Variants in TENT4A observed in about 807,000 individuals in gnomAD.
TENT4A encodes the protein terminal nucleotidyltransferase 4A.
Under a neutral mutation model 72.8 loss-of-function variants are expected in TENT4A, and 7 were observed. The observed-to-expected ratio is 0.10, with a 90% CI of 0.05 to 0.18. The LOEUF is 0.18. Among genes scored for constraint, TENT4A ranks in the 10% least tolerant of loss-of-function variants. The pLI is 1.00. For synonymous variants in TENT4A, 456 were observed against 434.3 expected, an observed-to-expected ratio of 1.05 and a Z score of -0.62; for missense variants, 831 against 1,017.7, an observed-to-expected ratio of 0.82 and a Z score of 2.50.
At chr5:6,723,503 A>G (rs959904758) in intron 1 of TENT4A, among the ~76,000 whole-genome samples, 2 of 152,198 alleles carry the variant, frequency 1.3e-5, no homozygotes, top group Non-Finnish European at 2.9e-5. Context: ...TGTAGACAGA[A>G]AACTGAAGCC....
At chr5:6,743,676 A>G (rs1741942699) in intron 5 of TENT4A, 36 bp from the exon 6 acceptor site, 2 of 1,512,610 alleles carry the variant, frequency 1.3e-6, no homozygotes, top group Admixed American at 1.7e-5. Flanking sequence ...AAGTATGGTA[A>G]TTACTCAGTA....
chr5:6,753,337 A>G (rs1404000998), intron 12 of TENT4A, among the ~76,000 whole-genome samples: 2 of 152,276 alleles, frequency 1.3e-5, no homozygotes, highest in African/African-American at 2.4e-5. Flanking sequence ...TCCCATTTAC[A>G]TAATTCATTT....
At chr5:6,754,144 G>T (rs974359715) in intron 12 of TENT4A, among the ~76,000 whole-genome samples, 1 of 152,216 alleles carries the variant, frequency 6.6e-6, no homozygotes, top group South Asian at 2.1e-4. Context: ...GGTCACAGCT[G>T]GGGGAAGAAC....
At chr5:6,744,043 C>T (rs1036546545) in intron 6 of TENT4A, among the ~76,000 whole-genome samples, 1 of 152,188 alleles carries the variant, frequency 6.6e-6, no homozygotes, top group Admixed American at 6.5e-5. Flanking sequence ...CTGGGTGTAA[C>T]TGTTGGTGCA....
intron 1 of TENT4A, among the ~76,000 whole-genome samples, chr5:6,730,451 C>T (rs116169061): frequency 0.019 from 2,856 of 152,314 alleles, 36 homozygotes; most frequent in South Asian, 0.049. Context: ...TTGGCTGTCT[C>T]AGGAGGCTCA....
At chr5:6,753,439 C>T (rs377640677) in intron 12 of TENT4A, among the ~76,000 whole-genome samples, 4 of 152,390 alleles carry the variant, frequency 2.6e-5, no homozygotes, top group South Asian at 4.1e-4. Context: ...GTCATTCCCA[C>T]GTTGCCTGAT....
chr5:6,718,767 C>T lies in TENT4A; in HGVS notation c.716+4068C>T, dbSNP rs1053539222. On this transcript the variant is annotated intron_variant, in intron 1 of 12. Coordinates refer to ENST00000230859, the MANE Select transcript of TENT4A (RefSeq NM_006999.6). ...GTGAAATTGAAAATCGAGTGCAAGA[C>T]ACTGGCTGTGCTGGAGTTGAGGAAA... Among the ~76,000 whole-genome samples the T allele has an allele frequency of 1.2e-4, 18 of 152,320 alleles. No homozygotes were observed. The South Asian group carries it at 2.3e-3, about 19-fold the overall frequency.
intron 5 of TENT4A, 55 bp from the exon 6 acceptor site, chr5:6,743,657 T>A: frequency 7.2e-7 from 1 of 1,385,718 alleles, no homozygotes; most frequent in Non-Finnish European, 1.0e-6. Context: ...CTATGTGAAA[T>A]CTCTTTGAAA....
intron 1 of TENT4A, among the ~76,000 whole-genome samples, chr5:6,732,598 G>A (rs1286537610): frequency 6.6e-6 from 1 of 152,178 alleles, no homozygotes; most frequent in African/African-American, 2.4e-5. Context: ...ACTCTTGCAA[G>A]GCAGTGATTG....
Position 6,756,214 on chromosome 5 carries a change from A to G in TENT4A, c.*1269A>G, listed in dbSNP as rs1742692110. On this transcript the variant is annotated 3_prime_UTR_variant, in exon 13 of 13. Coordinates refer to ENST00000230859, the MANE Select transcript of TENT4A (RefSeq NM_006999.6). ...GTATACTATGCAAGTGTATTCTGCC[A>G]CAACAACCACTGTCTTTGTTACCTT... is the stretch of plus-strand genomic sequence containing the variant. The G allele has an allele frequency of 6.6e-6, 1 of 152,654 alleles. No homozygotes were observed. The highest frequency in any genetic ancestry group is 6.5e-5 in the Admixed American group (1 of 15,290). 9.5% of individuals were successfully genotyped at this position (152,654 alleles called of 1,614,324 possible).
At chr5:6,727,693 A>G (rs1280701317) in intron 1 of TENT4A, among the ~76,000 whole-genome samples, 3 of 152,138 alleles carry the variant, frequency 2.0e-5, no homozygotes, top group Non-Finnish European at 4.4e-5. Context: ...TGACCAACCT[A>G]AAGTTCACAG....
rs1561021702 is a variant in TENT4A at position 6,713,846 on chromosome 5, CCG to C, written c.-136_-135del. 6.3e-5 allele frequency: 3 copies of C among 47,880 alleles called. No homozygotes were observed. Among genetic ancestry groups the C allele is most frequent in the Middle Eastern group, 9.4e-3 (1 of 106 alleles). The allele number at this position is 47,880 out of a possible 1,614,324, so 3.0% of individuals were successfully genotyped here. On this transcript the variant is annotated 5_prime_UTR_variant, in exon 1 of 13. Transcript: ENST00000230859. ...AGGAGGCCGGGGCTCGGCCCGCCCG[CCG>C]CCGCCGCCGCCGCCGCCGCCACCGG... is the stretch of plus-strand genomic sequence containing the variant.
chr5:6,743,410 A>C (rs995906839), intron 5 of TENT4A, among the ~76,000 whole-genome samples: 1 of 151,034 alleles, frequency 6.6e-6, no homozygotes, highest in Non-Finnish European at 1.5e-5. Context: ...GCACATAAAC[A>C]CTCCAGTGAA....
At chr5:6,737,908 G>GT (rs1741589278) in intron 2 of TENT4A, among the ~76,000 whole-genome samples, 2 of 109,048 alleles carry the variant, frequency 1.8e-5, no homozygotes, top group Non-Finnish European at 4.2e-5. Context: ...GGATTTGTTG[G>GT]GTTTTTTTTT....
chr5:6,724,433 A>G (rs16877813), intron 1 of TENT4A, among the ~76,000 whole-genome samples: 6,874 of 152,316 alleles, frequency 0.045, 208 homozygotes, highest in South Asian at 0.096. Flanking sequence ...ATGCAAAGGA[A>G]TTCTAAAGTG....
At position 6,750,496 on chromosome 5, in the gene TENT4A, G is replaced by A. The variant is rs1226911904; in HGVS notation, c.1853G>A (p.Ser618Asn). Residue 618 changes from serine to asparagine, a missense_variant, in exon 10 of 13, where the codon AGT becomes AAT. By Grantham distance (46) the Ser-to-Asn change is conservative. This residue lies in a region of TENT4A where 332 missense variants were observed against 324.3 expected (regional missense o/e 1.02). Coordinates refer to ENST00000230859, the MANE Select transcript of TENT4A (RefSeq NM_006999.6). ...SASSVSSLSG[S>N]DVDSDTPPCT... ...TCTTCTGTGTCTTCACTTTCTGGGA[G>A]TGACGTTGTAAGTGCCCTCCCCTCC... is the stretch of plus-strand genomic sequence containing the variant. The A allele has an allele frequency of 1.3e-6, 2 of 1,593,960 alleles. No homozygotes were observed. Among genetic ancestry groups the A allele is most frequent in the Admixed American group, 1.8e-5 (1 of 56,270 alleles).
At chr5:6,754,298 A>G (rs1409000727) in intron 12 of TENT4A, among the ~76,000 whole-genome samples, 1 of 152,166 alleles carries the variant, frequency 6.6e-6, no homozygotes, top group Non-Finnish European at 1.5e-5. Context: ...CTTCTTGAGT[A>G]GCTGGAATTA....
intron 1 of TENT4A, among the ~76,000 whole-genome samples, chr5:6,726,450 C>G (rs913969793): frequency 6.6e-6 from 1 of 152,204 alleles, no homozygotes; most frequent in African/African-American, 2.4e-5. Context: ...TGCGTTGCCT[C>G]TGGTCAGCTC....
In TENT4A at chr5:6,755,867, G is replaced by C. The variant is rs1408873317; in HGVS notation, c.*922G>C. 6.6e-6 allele frequency: 1 copy of C among 152,250 alleles called. No individual in the cohort carries two copies. The allele number at this position is 152,250 out of a possible 1,614,324, so 9.4% of individuals were successfully genotyped here. The stretch of plus-strand genomic sequence containing the variant: ...GAAGTATAACTTTCTAAGGAGAGAA[G>C]GGTTGTCACATTATAAAATCTTTAG... On this transcript the variant is annotated 3_prime_UTR_variant, in exon 13 of 13. Transcript: ENST00000230859.
Sources: gnomAD v4.1 joint callset for allele counts (sites outside exome capture counted in the v4.1 genomes callset) on GRCh38, gnomAD v4.1.1 for gene constraint, gnomAD v4.1.1 regional missense constraint, MANE v1.5 for transcripts, NCBI Gene and HGNC (gene_info 2026-07-23, HGNC 2026-07-21) for gene names.